The following ROR2 variants were observed in gnomAD, a reference collection of about 807,000 sequenced individuals.
ROR2 encodes ROR family WNT receptor 2.
A neutral mutation model predicts 74.9 loss-of-function variants in ROR2; 33 were observed. The ratio of observed to expected loss-of-function variants is 0.44; its 90% CI spans 0.33 to 0.59. The LOEUF (loss-of-function observed/expected upper bound fraction) is 0.59, where lower values mean the gene tolerates loss of function less well. ROR2 is among the 20% of genes least tolerant of loss of function. The pLI is 0.02. For missense variants in ROR2, 1,216 were observed against 1,313.8 expected (o/e 0.93, Z 1.15); for synonymous variants, 586 against 558.7 (o/e 1.05, Z -0.69).
intron 1 of ROR2, among the ~76,000 whole-genome samples, chr9:91,918,671 T>C (rs780304558): frequency 6.6e-6 from 1 of 152,226 alleles, no homozygotes. Context: ...TGTGAATATC[T>C]TAAAAACTGG....
intron 7 of ROR2, among the ~76,000 whole-genome samples, chr9:91,729,655 C>G (rs980551022): frequency 2.6e-5 from 4 of 152,184 alleles, no homozygotes; most frequent in African/African-American, 9.7e-5. Context: ...CACTCATTCA[C>G]CAATTGCTGC....
chr9:91,855,300 G>A (rs557223215), intron 1 of ROR2, among the ~76,000 whole-genome samples: 1 of 152,192 alleles, frequency 6.6e-6, no homozygotes, highest in East Asian at 1.9e-4. Flanking sequence ...AGAAAGCCCA[G>A]GCCCTGCAAC....
intron 1 of ROR2, among the ~76,000 whole-genome samples, chr9:91,801,016 C>A (rs1827358347): frequency 1.3e-5 from 2 of 152,192 alleles, no homozygotes; most frequent in African/African-American, 2.4e-5. Flanking sequence ...CCCCTGGGAA[C>A]TCTGCTACCT....
At chr9:91,777,408 C>CACA (rs768208358) in intron 1 of ROR2, among the ~76,000 whole-genome samples, 6 of 150,976 alleles carry the variant, frequency 4.0e-5, no homozygotes, top group Non-Finnish European at 8.9e-5. Flanking sequence ...CACACACACA[C>CACA]CCCATCATCA....
intron 1 of ROR2, among the ~76,000 whole-genome samples, chr9:91,920,771 C>T (rs1041751493): frequency 5.0e-4 from 76 of 152,158 alleles, no homozygotes; most frequent in Non-Finnish European, 2.9e-5. Flanking sequence ...TCAGAGGTGA[C>T]AGAGCTACAG....
At chr9:91,819,414 A>G (rs1194026536) in intron 1 of ROR2, among the ~76,000 whole-genome samples, 1 of 151,514 alleles carries the variant, frequency 6.6e-6, no homozygotes, top group Admixed American at 6.6e-5. Flanking sequence ...TGTGTCTTTG[A>G]GTGTGTCTGT....
intron 1 of ROR2, among the ~76,000 whole-genome samples, chr9:91,881,229 T>A (rs1236854223): frequency 6.6e-6 from 1 of 152,218 alleles, no homozygotes; most frequent in Admixed American, 6.5e-5. Flanking sequence ...CTTGACTAGA[T>A]AATATGCAAC....
intron 1 of ROR2, among the ~76,000 whole-genome samples, chr9:91,798,856 T>C (rs1827279617): frequency 6.6e-6 from 1 of 152,144 alleles, no homozygotes; most frequent in Non-Finnish European, 1.5e-5. Context: ...GTTCTGTATC[T>C]GTGAAGTGGG....
At chr9:91,892,780 C>T (rs970963607) in intron 1 of ROR2, among the ~76,000 whole-genome samples, 6 of 151,490 alleles carry the variant, frequency 4.0e-5, no homozygotes, top group Non-Finnish European at 8.8e-5. Context: ...TTAGTAGAGA[C>T]GGGGTTTCAC....
At chr9:91,782,877 A>G (rs890776291) in intron 1 of ROR2, among the ~76,000 whole-genome samples, 4 of 152,246 alleles carry the variant, frequency 2.6e-5, no homozygotes. Context: ...CACAGGAAGT[A>G]GCAGTGATTC....
chr9:91,947,631 C>T (rs923195038), intron 1 of ROR2, among the ~76,000 whole-genome samples: 4 of 152,128 alleles, frequency 2.6e-5, no homozygotes, highest in African/African-American at 9.7e-5. Flanking sequence ...GCTGGGGGGA[C>T]CCTAATGCTC....
At chr9:91,760,327 T>C (rs948895797) in intron 2 of ROR2, among the ~76,000 whole-genome samples, 2 of 152,176 alleles carry the variant, frequency 1.3e-5, no homozygotes, top group Admixed American at 1.3e-4. Flanking sequence ...TGAAGTACGT[T>C]TGGACATTAA....
rs116655368 is a variant in ROR2, at chr9:91,813,633, T to C, written c.98-37815A>G. On this transcript the variant is annotated intron_variant, in intron 1 of 8. Transcript: ENST00000375708. ...AAAACACCCAACCCCAGAAACCCAATGGGCCCCGCCTTGAACCCAGAGCAG... is the reference window on the plus strand; with the variant it reads ...AAAACACCCAACCCCAGAAACCCAACGGGCCCCGCCTTGAACCCAGAGCAG... Among the ~76,000 whole-genome samples, 759 of 152,274 alleles carry C rather than the reference T, an allele frequency of 5.0e-3. 4 individuals carry two copies. The highest frequency in any genetic ancestry group is 0.018 in the African/African-American group (731 of 41,544).
rs1825746533 is a variant in ROR2 at position 91,756,252 on chromosome 9, T to A, written c.464-151A>T. On this transcript the variant is annotated intron_variant, in intron 3 of 8. Coordinates refer to ENST00000375708, the MANE Select transcript of ROR2 (RefSeq NM_004560.4). ...GCCTCAGGCTCCACTCGTGATTACGTCAGCAAGGCTGGAAACCACACACAA... is the reference window on the plus strand; with the variant it reads ...GCCTCAGGCTCCACTCGTGATTACGACAGCAAGGCTGGAAACCACACACAA... 6 of 743,352 alleles carry A rather than the reference T, an allele frequency of 8.1e-6. No homozygotes were observed. In the South Asian group the frequency reaches 9.0e-5, roughly 11 times the overall value. The allele number at this position is 743,352 out of a possible 1,614,324, so 46.0% of individuals were successfully genotyped here.
At chr9:91,906,340 T>C (rs982792772) in intron 1 of ROR2, among the ~76,000 whole-genome samples, 13 of 152,222 alleles carry the variant, frequency 8.5e-5, no homozygotes, top group Non-Finnish European at 2.9e-5. Context: ...ACAAGATCTC[T>C]GCATGGCAGC....
chr9:91,949,083 C>T (rs1365993467), intron 1 of ROR2, among the ~76,000 whole-genome samples: 1 of 151,790 alleles, frequency 6.6e-6, no homozygotes, highest in Non-Finnish European at 1.5e-5. Flanking sequence ...CCGGGCCCCG[C>T]CCCTCCCGCC....
chr9:91,755,999 T>C, intron 4 of ROR2, 72 bp downstream of exon 4: 1 of 1,541,196 alleles, frequency 6.5e-7, no homozygotes, highest in Non-Finnish European at 9.0e-7. Context: ...TGGCAGGATT[T>C]AAACCCCGGA....
chr9:91,738,142 A>C (rs966801787), intron 4 of ROR2, among the ~76,000 whole-genome samples: 1 of 152,226 alleles, frequency 6.6e-6, no homozygotes, highest in Non-Finnish European at 1.5e-5. Context: ...GCCCTAATGT[A>C]AACTACTGAT....
At chr9:91,767,083 T>G (rs1037298138) in intron 2 of ROR2, among the ~76,000 whole-genome samples, 4 of 151,922 alleles carry the variant, frequency 2.6e-5, no homozygotes, top group Non-Finnish European at 5.9e-5. Flanking sequence ...ACTTACGGTT[T>G]TTTTTTTTTT....
Sources: allele counts gnomAD v4.1 joint callset (sites outside exome capture counted in the v4.1 genomes callset), GRCh38; gene constraint gnomAD v4.1.1; transcripts MANE v1.5; gene names NCBI Gene and HGNC (gene_info 2026-07-23, HGNC 2026-07-21).